ACACB: variants seen among roughly 807,000 people sequenced by gnomAD.
ACACB encodes acetyl-CoA carboxylase beta.
ACACB carries 209 observed loss-of-function variants against 278.8 expected under a neutral mutation model. The ratio of observed to expected loss-of-function variants is 0.75; its 90% CI spans 0.67 to 0.84. The LOEUF (loss-of-function observed/expected upper bound fraction) is 0.84. ACACB is among the 40% of genes least tolerant of loss of function. ACACB has a pLI of 0.00. For missense variants in ACACB, 2,850 were observed against 3,269.0 expected, an observed-to-expected ratio of 0.87 and a Z score of 3.13; for synonymous variants, 1,174 against 1,285.6, an observed-to-expected ratio of 0.91 and a Z score of 1.86.
At position 109,255,866 on chromosome 12, in the gene ACACB, A is replaced by G. The variant is rs150340143; in HGVS notation, c.6167-274A>G. ...AAGGCAGAGACCATGATTAGAATCT[A>G]TGTGTTTGGAGTTGGCTGGCTGTTG... On this transcript the variant is annotated intron_variant, in intron 44 of 52. Coordinates refer to ENST00000338432, the MANE Select transcript of ACACB (RefSeq NM_001093.4). Among the ~76,000 whole-genome samples, 178 of 152,242 alleles carry G rather than the reference A, an allele frequency of 1.2e-3. 3 individuals carry two copies. Among genetic ancestry groups the G allele is most frequent in the African/African-American group, 3.8e-3 (159 of 41,534 alleles).
chr12:109,222,666 C>A (rs1565942405), intron 25 of ACACB, 46 bp downstream of exon 25: 2 of 1,559,502 alleles, frequency 1.3e-6, no homozygotes, highest in Non-Finnish European at 8.8e-7. Context: ...TTCCCCCCAC[C>A]CTCCTATGTG....
At chr12:109,123,170 G>T (rs1195696233) in intron 1 of ACACB, among the ~76,000 whole-genome samples, 2 of 144,400 alleles carry the variant, frequency 1.4e-5, no homozygotes, top group Non-Finnish European at 3.0e-5. Context: ...GACAGAGCGA[G>T]ACTCCATCTC....
At chr12:109,157,271 T>G (rs1404732211) in intron 2 of ACACB, among the ~76,000 whole-genome samples, 2 of 116,698 alleles carry the variant, frequency 1.7e-5, no homozygotes, top group African/African-American at 6.5e-5. Context: ...TTTCTAGAGT[T>G]GTTATTATTA....
At position 109,259,134 on chromosome 12, in the gene ACACB, C is replaced by T. The variant is rs775509971; in HGVS notation, c.6496+26C>T. The T allele has an allele frequency of 1.1e-5, 17 of 1,611,936 alleles. 1 individual carries two copies. The Middle Eastern group carries it at 4.9e-4, about 47-fold the overall frequency. On this transcript the variant is annotated intron_variant, in intron 47 of 52. Transcript: ENST00000338432. ...GTAAGCCCCTCCCTGCCTATGTTAC[C>T]CCAAAGCCTTGGGGTCAGCACCCAG...
chr12:109,197,752 G>A (rs895326084), intron 17 of ACACB, among the ~76,000 whole-genome samples: 1 of 152,078 alleles, frequency 6.6e-6, no homozygotes, highest in Non-Finnish European at 1.5e-5. Flanking sequence ...CCGAGATCAC[G>A]CAATGAAACA....
At chr12:109,187,619 C>G (rs1213865704) in intron 12 of ACACB, among the ~76,000 whole-genome samples, 1 of 151,822 alleles carries the variant, frequency 6.6e-6, no homozygotes, top group Non-Finnish European at 1.5e-5. Context: ...GCCACCACAC[C>G]TGGCTAATAT....
At chr12:109,240,720 A>G (rs2046771766) in intron 35 of ACACB, among the ~76,000 whole-genome samples, 2 of 151,858 alleles carry the variant, frequency 1.3e-5, no homozygotes, top group Admixed American at 6.6e-5. Context: ...CTCTGGCCTC[A>G]CTAGTTCAGG....
intron 4 of ACACB, among the ~76,000 whole-genome samples, chr12:109,171,106 TG>T (rs2044100786): frequency 6.7e-6 from 1 of 149,742 alleles, no homozygotes; most frequent in Non-Finnish European, 1.5e-5. Context: ...CTCCTGCCTC[TG>T]CCTCCCAAAG....
At chr12:109,254,382 T>A in intron 44 of ACACB, 48 bp downstream of exon 44, 1 of 1,561,116 alleles carries the variant, frequency 6.4e-7, no homozygotes, top group Non-Finnish European at 8.6e-7. Flanking sequence ...GGTTTCTTTC[T>A]AGGGCTTGAG....
At position 109,161,877 on chromosome 12, in the gene ACACB, G is replaced by A. The variant is rs961294962; in HGVS notation, c.654-4984G>A. Among the ~76,000 whole-genome samples the A allele has an allele frequency of 1.2e-4, 18 of 151,894 alleles. 1 individual carries two copies. The East Asian group carries it at 3.1e-3, about 26-fold the overall frequency. On this transcript the variant is annotated intron_variant, in intron 2 of 52. Coordinates refer to ENST00000338432, the MANE Select transcript of ACACB (RefSeq NM_001093.4). ...TTTTAAAATATAGCAAAGAGATAAC[G>A]GCTCTTAATACTTTAGCATTTTTTT... is the stretch of plus-strand genomic sequence containing the variant.
rs1020354995 is a variant in ACACB at position 109,209,233 on chromosome 12, G to A, written c.3129G>A (p.Gln1043=). The A allele has an allele frequency of 2.5e-6, 4 of 1,611,314 alleles. No homozygotes were observed. The highest frequency in any genetic ancestry group is 3.4e-6 in the Non-Finnish European group (4 of 1,179,448). The part of the protein sequence containing the change: ...RHPSLPLLEL[Q]EIMTSVAGRI... Reference sequence around the variant, plus strand: ...CGTCACTGCCGCTGCTGGAGCTGCAGGAGATCATGACCAGCGTGGCAGGCC... The same window carrying A: ...CGTCACTGCCGCTGCTGGAGCTGCAAGAGATCATGACCAGCGTGGCAGGCC... The change falls in exon 21 of 53, where the codon CAG becomes CAA. Residue 1043 remains glutamine, a synonymous_variant. Transcript: ENST00000338432.
chr12:109,210,083 A>G (rs1269373811), intron 21 of ACACB, among the ~76,000 whole-genome samples: 3 of 128,116 alleles, frequency 2.3e-5, no homozygotes, highest in Non-Finnish European at 4.9e-5. Context: ...GTATATATGT[A>G]TATATACACA....
At chr12:109,179,480 T>A in intron 10 of ACACB, 183 bp downstream of exon 10, 1 of 649,214 alleles carries the variant, frequency 1.5e-6, no homozygotes. Context: ...GTCTGTGAAC[T>A]CCCCAAATAT....
chr12:109,151,075 T>C (rs2043362232), intron 2 of ACACB, among the ~76,000 whole-genome samples: 2 of 149,442 alleles, frequency 1.3e-5, no homozygotes, highest in African/African-American at 5.0e-5. Context: ...ACCGCCCGGG[T>C]CCCGGTTCAA....
At chr12:109,255,432 G>T (rs1407025479) in intron 44 of ACACB, among the ~76,000 whole-genome samples, 1 of 152,140 alleles carries the variant, frequency 6.6e-6, no homozygotes, top group Non-Finnish European at 1.5e-5. Flanking sequence ...GGGCTTTCTG[G>T]CCTGTAAACA....
At chr12:109,210,869 G>T (rs1175311167) in intron 21 of ACACB, among the ~76,000 whole-genome samples, 1 of 148,076 alleles carries the variant, frequency 6.8e-6, no homozygotes, top group Non-Finnish European at 1.5e-5. Flanking sequence ...AGCCGAGATC[G>T]CACCACTGTG....
intron 19 of ACACB, among the ~76,000 whole-genome samples, chr12:109,205,064 G>A (rs935559770): frequency 4.6e-5 from 7 of 152,178 alleles, no homozygotes; most frequent in African/African-American, 1.7e-4. Context: ...AGGTTGGCCA[G>A]GCTGATCTTG....
intron 2 of ACACB, among the ~76,000 whole-genome samples, chr12:109,160,326 A>G (rs1224855176): frequency 6.6e-6 from 1 of 152,162 alleles, no homozygotes; most frequent in Non-Finnish European, 1.5e-5. Context: ...AACTGGAGGT[A>G]AATGGTCCTC....
In ACACB at chr12:109,167,990, G is replaced by A. The variant is rs781305786; in HGVS notation, c.881G>A (p.Arg294Gln). 9 of 1,613,682 alleles carry A rather than the reference G, an allele frequency of 5.6e-6. No homozygotes were observed. The highest frequency in any genetic ancestry group is 2.2e-5 in the South Asian group (2 of 91,056). Residue 294 changes from arginine to glutamine, a missense_variant, in exon 4 of 53, where the codon CGG becomes CAG. By Grantham distance (43) the Arg-to-Gln change is conservative. Coordinates refer to ENST00000338432, the MANE Select transcript of ACACB (RefSeq NM_001093.4). ...ATGTTCCGCAACGAGCGGGCCATCC[G>A]GTTTGTTGTGATGGTGACCCCCGAG... ...YEMFRNERAI[R>Q]FVVMVTPEDL...
Sources: gnomAD v4.1 joint callset for allele counts (sites outside exome capture counted in the v4.1 genomes callset) on GRCh38, gnomAD v4.1.1 for gene constraint, MANE v1.5 for transcripts, NCBI Gene and HGNC (gene_info 2026-07-23, HGNC 2026-07-21) for gene names.